ITGA11: variants seen among roughly 807,000 people sequenced by gnomAD.
The protein encoded by ITGA11 is integrin alpha-11.
ITGA11 carries 97 observed loss-of-function variants against 141.9 expected under a neutral mutation model. The observed-to-expected ratio is 0.68, with a 90% CI of 0.58 to 0.81. The LOEUF (loss-of-function observed/expected upper bound fraction) is 0.81, where lower values mean the gene tolerates loss of function less well. Ranked by LOEUF, ITGA11 falls within the 30% of genes least tolerant of loss-of-function variation. The pLI is 0.00. For missense variants in ITGA11, 1,387 were observed against 1,559.2 expected, an observed-to-expected ratio of 0.89 and a Z score of 1.86; for synonymous variants, 658 against 624.6, an observed-to-expected ratio of 1.05 and a Z score of -0.80.
intron 1 of ITGA11, 22 bp from the exon 2 acceptor site, chr15:68,403,051 G>A (rs769449661): frequency 1.3e-6 from 2 of 1,520,752 alleles, no homozygotes; most frequent in Non-Finnish European, 1.8e-6. Context: ...GGAGAGGAGA[G>A]GAGAAGCAGG....
intron 9 of ITGA11, 141 bp from the exon 10 acceptor site, chr15:68,349,041 T>A (rs1894827648): frequency 4.1e-6 from 3 of 735,120 alleles, no homozygotes; most frequent in Non-Finnish European, 7.0e-6. Context: ...GCTCTGAAGC[T>A]GAGGCCAGTA....
chr15:68,353,354 C>G (rs1894973261), intron 7 of ITGA11, among the ~76,000 whole-genome samples: 2 of 152,192 alleles, frequency 1.3e-5, no homozygotes, highest in African/African-American at 4.8e-5. Flanking sequence ...GCACGTGCCA[C>G]ATGACGAGAG....
chr15:68,332,034 T>A lies in ITGA11; in HGVS notation c.1595A>T (p.Lys532Met), dbSNP rs766072452. ...GGCATTCTGGTAACTGTGTGAATCC[T>A]TTAGCGTTCCGTTATAAACAAACAG... Reference protein sequence around the residue: ...QNLFVYNGTLKDSHSYQNARF... With the variant: ...QNLFVYNGTLMDSHSYQNARF... Residue 532 changes from lysine (K) to methionine (M), a missense_variant, in exon 14 of 30, where the codon AAG becomes ATG. Physicochemically the swap from Lys to Met is moderately conservative, Grantham distance 95. Coordinates refer to ENST00000315757, the MANE Select transcript of ITGA11 (RefSeq NM_001004439.2). 2 of 1,608,606 alleles carry A rather than the reference T, an allele frequency of 1.2e-6. No homozygotes were observed. Among genetic ancestry groups the A allele is most frequent in the African/African-American group, 1.3e-5 (1 of 74,966 alleles).
At position 68,326,035 on chromosome 15, in the gene ITGA11, T is replaced by C. The variant is rs1243738757; in HGVS notation, c.2211+619A>G. 6.6e-6 allele frequency among the ~76,000 whole-genome samples: 1 copy of C among 152,158 alleles called. No homozygotes were observed. The highest frequency in any genetic ancestry group is 1.5e-5 in the Non-Finnish European group (1 of 68,030). Reference sequence around the variant, plus strand: ...TGTGGATGCGTCTCAGGGGGCCCCTTAACAGGGATGCACCTTCTCAGACCT... The same window carrying C: ...TGTGGATGCGTCTCAGGGGGCCCCTCAACAGGGATGCACCTTCTCAGACCT... On this transcript the variant is annotated intron_variant, in intron 17 of 29. Coordinates refer to ENST00000315757, the MANE Select transcript of ITGA11 (RefSeq NM_001004439.2). This position sits in a 1 kb window ranked among gnomAD's most constrained non-coding sequence, Gnocchi z 6.8.
chr15:68,379,730 C>G (rs1376271979), intron 2 of ITGA11, among the ~76,000 whole-genome samples: 1 of 152,174 alleles, frequency 6.6e-6, no homozygotes, highest in South Asian at 2.1e-4. Flanking sequence ...CCTGACAAAC[C>G]CTTGCTTATT....
chr15:68,401,092 AAATTT>A (rs745782112), intron 2 of ITGA11, among the ~76,000 whole-genome samples: 1 of 149,292 alleles, frequency 6.7e-6, no homozygotes, highest in Non-Finnish European at 1.5e-5. Flanking sequence ...AATGGCCATT[AAATTT>A]ATGAAAAGTT....
intron 2 of ITGA11, among the ~76,000 whole-genome samples, chr15:68,382,024 TTA>T (rs1895875946): frequency 6.6e-6 from 1 of 152,190 alleles, no homozygotes; most frequent in African/African-American, 2.4e-5. Context: ...TTGGGTTGCA[TTA>T]GGGAATCATT....
At chr15:68,371,045 G>A (rs1313310920) in intron 2 of ITGA11, among the ~76,000 whole-genome samples, 4 of 152,226 alleles carry the variant, frequency 2.6e-5, no homozygotes, top group Non-Finnish European at 5.9e-5. Context: ...TGGGGAGCCA[G>A]ATGATGGCAG....
At chr15:68,329,714 A>T (rs879336553) in intron 15 of ITGA11, among the ~76,000 whole-genome samples, 1 of 152,056 alleles carries the variant, frequency 6.6e-6, no homozygotes, top group Non-Finnish European at 1.5e-5. Flanking sequence ...CACAGTGGAC[A>T]CCTTTACACA....
rs375051417 is a variant in ITGA11 at position 68,348,790 on chromosome 15, G to C, written c.1131+40C>G. The C allele has an allele frequency of 3.9e-6, 6 of 1,552,968 alleles. No homozygotes were observed. The African/African-American group carries it at 6.8e-5, about 18-fold the overall frequency. On this transcript the variant is annotated intron_variant, in intron 10 of 29. Coordinates refer to ENST00000315757, the MANE Select transcript of ITGA11 (RefSeq NM_001004439.2). ...AAAGGGGAAGAGCATGCCCTCGAGA[G>C]ACAGAGGCTGGGCTCTGTGCCCGTA...
At position 68,432,126 on chromosome 15, in the gene ITGA11, G is replaced by T; in HGVS notation, c.-60C>A. The T allele has an allele frequency of 7.9e-7, 1 of 1,263,692 alleles. No individual in the cohort carries two copies. Among genetic ancestry groups the T allele is most frequent in the Non-Finnish European group, 1.0e-6 (1 of 984,066 alleles). 78.3% of individuals were successfully genotyped at this position (1,263,692 alleles called of 1,614,324 possible). On this transcript the variant is annotated 5_prime_UTR_variant, in exon 1 of 30. Transcript: ENST00000315757. ...CGGCGGCGGGGGGCGGCAAGCCAGA[G>T]CGGCAGCCTCCTCGGCGCGGCGCCT...
Position 68,355,089 on chromosome 15 carries a change from A to G in ITGA11, c.749+2062T>C, listed in dbSNP as rs1379271603. On this transcript the variant is annotated intron_variant, in intron 7 of 29. Coordinates refer to ENST00000315757, the MANE Select transcript of ITGA11 (RefSeq NM_001004439.2). ...GTTGGTGGGTTGTAAAGTGAGGTCCAAACAGTGGGCTTTATCCCTGTATGA... is the reference window on the plus strand; with the variant it reads ...GTTGGTGGGTTGTAAAGTGAGGTCCGAACAGTGGGCTTTATCCCTGTATGA... 5.9e-5 allele frequency among the ~76,000 whole-genome samples: 9 copies of G among 152,204 alleles called. No individual in the cohort carries two copies. The South Asian group carries it at 1.4e-3, about 25-fold the overall frequency.
intron 2 of ITGA11, among the ~76,000 whole-genome samples, chr15:68,375,345 C>T (rs1470571297): frequency 6.6e-6 from 1 of 152,220 alleles, no homozygotes; most frequent in East Asian, 1.9e-4. Flanking sequence ...AGAGATTATT[C>T]CTTTAGTGAG....
At chr15:68,382,466 A>T (rs1895886764) in intron 2 of ITGA11, among the ~76,000 whole-genome samples, 1 of 152,166 alleles carries the variant, frequency 6.6e-6, no homozygotes, top group Admixed American at 6.5e-5. Flanking sequence ...TGGTCTCCAG[A>T]CCCTTTAACA....
intron 2 of ITGA11, among the ~76,000 whole-genome samples, chr15:68,387,187 C>A (rs924379074): frequency 3.9e-5 from 6 of 152,098 alleles, no homozygotes; most frequent in Non-Finnish European, 5.9e-5. Context: ...GGGTGCATTA[C>A]AAGAATGAAG....
At position 68,361,985 on chromosome 15, in the gene ITGA11, C is replaced by T. The variant is rs1026148962; in HGVS notation, c.358-281G>A. 1.5e-5 allele frequency: 5 copies of T among 327,372 alleles called. No homozygotes were observed. In the Admixed American group the frequency reaches 2.3e-4, roughly 15 times the overall value. The allele number at this position is 327,372 out of a possible 1,614,324, so 20.3% of individuals were successfully genotyped here. On this transcript the variant is annotated intron_variant, in intron 4 of 29. Transcript: ENST00000315757. ...CATCTCATCATTTAGGAATATGATA[C>T]TTCTTCACCCTACCTGCCCACCCCA...
chr15:68,379,922 C>A (rs543779298), intron 2 of ITGA11, among the ~76,000 whole-genome samples: 2 of 152,292 alleles, frequency 1.3e-5, no homozygotes, highest in African/African-American at 4.8e-5. Flanking sequence ...AGGAAAGGGG[C>A]CTAAGCATTT....
chr15:68,298,232 G>A lies in ITGA11; in HGVS notation c.*4827C>T, dbSNP rs748100248. 2 of 152,188 alleles carry A rather than the reference G, an allele frequency of 1.3e-5. No homozygotes were observed. The highest frequency in any genetic ancestry group is 4.8e-5 in the African/African-American group (2 of 41,440). 9.4% of individuals were successfully genotyped at this position (152,188 alleles called of 1,614,324 possible). A position where few individuals can be genotyped will look rare whatever the true frequency, so the allele number is the denominator to read the frequency against. On this transcript the variant is annotated 3_prime_UTR_variant, in exon 30 of 30. Coordinates refer to ENST00000315757, the MANE Select transcript of ITGA11 (RefSeq NM_001004439.2). ...TCACAAAACCTTAGCTTGTTGGCAAGTTTAGACAAAATTATATTTTCTAAT... is the reference window on the plus strand; with the variant it reads ...TCACAAAACCTTAGCTTGTTGGCAAATTTAGACAAAATTATATTTTCTAAT...
intron 1 of ITGA11, among the ~76,000 whole-genome samples, chr15:68,407,622 G>T (rs1896678086): frequency 6.6e-6 from 1 of 152,192 alleles, no homozygotes. Flanking sequence ...CCACTGTTCT[G>T]CCCTTGATAT....
Sources: allele counts gnomAD v4.1 joint callset (sites outside exome capture counted in the v4.1 genomes callset), GRCh38; gene constraint gnomAD v4.1.1; non-coding constraint Gnocchi (gnomAD v3.1); transcripts MANE v1.5; gene names NCBI Gene and HGNC (gene_info 2026-07-23, HGNC 2026-07-21).